Variants in ZEB1 observed in about 807,000 individuals in gnomAD.
ZEB1 encodes zinc finger E-box binding homeobox 1.
Under a neutral mutation model 84.9 loss-of-function variants are expected in ZEB1, and 21 were observed. The observed-to-expected ratio is 0.25, with a 90% CI of 0.18 to 0.36. The LOEUF is 0.36. Among genes scored for constraint, ZEB1 ranks in the 10% least tolerant of loss-of-function variants. The probability of loss-of-function intolerance (pLI) is 1.00; values close to 1 mark genes in which losing one functional copy is unlikely to be tolerated. For synonymous variants in ZEB1, 420 were observed against 471.1 expected (o/e 0.89, Z 1.41); for missense variants, 1,104 against 1,330.2 (o/e 0.83, Z 2.65).
rs1448276849 is a variant in ZEB1, at chr10:31,442,072, G to A, written c.59-18965G>A. Among the ~76,000 whole-genome samples the A allele has an allele frequency of 6.6e-5, 10 of 152,164 alleles. 1 individual carries two copies. The highest frequency in any genetic ancestry group is 5.9e-4 in the Admixed American group (9 of 15,280). The stretch of plus-strand genomic sequence containing the variant: ...CCCATTACTGGGTATATACCCAAAG[G>A]ATTATAAATCATGCTGCTATAAAGA... On this transcript the variant is annotated intron_variant, in intron 1 of 8. Coordinates refer to ENST00000424869, the MANE Select transcript of ZEB1 (RefSeq NM_001174096.2).
chr10:31,524,826 C>T (rs2073110386), intron 8 of ZEB1, among the ~76,000 whole-genome samples: 1 of 152,026 alleles, frequency 6.6e-6, no homozygotes, highest in Admixed American at 6.5e-5. Flanking sequence ...AAGCATGCGG[C>T]AAGCTGTCCT....
chr10:31,504,013 A>T (rs2068537151), intron 4 of ZEB1, among the ~76,000 whole-genome samples: 1 of 151,628 alleles, frequency 6.6e-6, no homozygotes, highest in African/African-American at 2.4e-5. Flanking sequence ...TCCTTTGCTG[A>T]GTCTTAGCAA....
chr10:31,462,869 A>G (rs2061971255), intron 2 of ZEB1, among the ~76,000 whole-genome samples: 1 of 152,118 alleles, frequency 6.6e-6, no homozygotes, highest in Admixed American at 6.5e-5. Context: ...AGGGTTTTTG[A>G]GTTAAAGTAG....
intron 1 of ZEB1, among the ~76,000 whole-genome samples, chr10:31,320,849 A>C (rs1017160320): frequency 6.6e-6 from 1 of 152,086 alleles, no homozygotes; most frequent in Non-Finnish European, 1.5e-5. Context: ...GCGGGAGCGC[A>C]GGGAGAGCAG....
intron 1 of ZEB1, 120 bp downstream of exon 1, chr10:31,319,412 G>T (rs1564441009): frequency 1.1e-5 from 11 of 992,522 alleles, no homozygotes; most frequent in Non-Finnish European, 1.5e-6. Context: ...CGGCAAAGTG[G>T]AGTGGGAAAG....
intron 3 of ZEB1, among the ~76,000 whole-genome samples, chr10:31,499,249 T>G (rs2067745911): frequency 6.6e-6 from 1 of 152,222 alleles, no homozygotes; most frequent in South Asian, 2.1e-4. Flanking sequence ...ATACCTGTTT[T>G]GGGCTTTAAA....
chr10:31,505,818 T>C (rs1662337494), intron 4 of ZEB1, among the ~76,000 whole-genome samples: 1 of 151,566 alleles, frequency 6.6e-6, no homozygotes, highest in Non-Finnish European at 1.5e-5. Context: ...TTCTTGCTTT[T>C]CTAAGTTCTT....
intron 1 of ZEB1, among the ~76,000 whole-genome samples, chr10:31,340,487 C>A (rs2039147054): frequency 6.6e-6 from 1 of 152,152 alleles, no homozygotes; most frequent in Admixed American, 6.5e-5. Context: ...AATCATCCAG[C>A]TTCTGATCTT....
chr10:31,323,965 G>A (rs1793092695), intron 1 of ZEB1, among the ~76,000 whole-genome samples: 1 of 15,684 alleles, frequency 6.4e-5, no homozygotes, highest in African/African-American at 2.0e-4. Flanking sequence ...ATGGTTCTTC[G>A]TGTGTGTGTG....
At chr10:31,378,399 T>A (rs1304827288) in intron 1 of ZEB1, among the ~76,000 whole-genome samples, 2 of 151,730 alleles carry the variant, frequency 1.3e-5, no homozygotes, top group African/African-American at 4.8e-5. Context: ...ATTTTTCAGA[T>A]AAAAAATGAG....
intron 1 of ZEB1, chr10:31,319,641 C>T (rs1254094219): frequency 6.8e-6 from 2 of 295,440 alleles, no homozygotes; most frequent in Non-Finnish European, 1.2e-5. Flanking sequence ...TTTTCTGGTC[C>T]CGGGTGGAGC....
chr10:31,396,638 G>T (rs1379801352), intron 1 of ZEB1, among the ~76,000 whole-genome samples: 31 of 152,260 alleles, frequency 2.0e-4, no homozygotes, highest in Non-Finnish European at 5.9e-5. Flanking sequence ...GCTTCATTAA[G>T]GAAGTTTTGA....
intron 1 of ZEB1, among the ~76,000 whole-genome samples, chr10:31,402,473 G>A (rs953887009): frequency 6.6e-6 from 1 of 152,076 alleles, no homozygotes; most frequent in African/African-American, 2.4e-5. Context: ...AAGCCTGACT[G>A]AGTGGACACA....
intron 1 of ZEB1, among the ~76,000 whole-genome samples, chr10:31,367,001 A>G (rs1478561787): frequency 6.6e-6 from 1 of 152,148 alleles, no homozygotes; most frequent in South Asian, 2.1e-4. Flanking sequence ...ATTGCTAGCT[A>G]TTCTCTATCC....
intron 1 of ZEB1, among the ~76,000 whole-genome samples, chr10:31,434,648 T>C (rs1175308189): frequency 6.6e-6 from 1 of 152,112 alleles, no homozygotes; most frequent in African/African-American, 2.4e-5. Context: ...TAACACTTAA[T>C]CCTTTACTGA....
intron 1 of ZEB1, 35 bp downstream of exon 1, chr10:31,319,327 CAG>C (rs1564440486): frequency 1.3e-6 from 2 of 1,592,840 alleles, no homozygotes. Context: ...GCGGCGGAGT[CAG>C]GGGGAGCTGG....
At chr10:31,361,875 C>A (rs891347650) in intron 1 of ZEB1, among the ~76,000 whole-genome samples, 2 of 143,252 alleles carry the variant, frequency 1.4e-5, no homozygotes, top group East Asian at 2.2e-4. Context: ...GCTTCGCAGA[C>A]GGGACGGCGG....
intron 1 of ZEB1, among the ~76,000 whole-genome samples, chr10:31,445,382 C>G (rs987432338): frequency 5.4e-5 from 8 of 148,950 alleles, no homozygotes; most frequent in African/African-American, 2.1e-4. Context: ...TTGACTTCCT[C>G]TTTTCCTAAT....
intron 1 of ZEB1, among the ~76,000 whole-genome samples, chr10:31,370,054 T>A (rs1395580213): frequency 6.6e-6 from 1 of 152,210 alleles, no homozygotes; most frequent in Non-Finnish European, 1.5e-5. Flanking sequence ...AATTGGGTTA[T>A]TTGTTGTTTT....
Sources: allele counts gnomAD v4.1 joint callset (sites outside exome capture counted in the v4.1 genomes callset), GRCh38; gene constraint gnomAD v4.1.1; transcripts MANE v1.5; gene names NCBI Gene and HGNC (gene_info 2026-07-23, HGNC 2026-07-21).